UBR2: variants seen among roughly 807,000 people sequenced by gnomAD.
UBR2 encodes the protein E3 ubiquitin-protein ligase UBR2.
Under a neutral mutation model 247.9 loss-of-function variants are expected in UBR2, and 92 were observed. The ratio of observed to expected loss-of-function variants is 0.37; its 90% CI spans 0.31 to 0.44. The LOEUF is 0.44. Among genes scored for constraint, UBR2 ranks in the 20% least tolerant of loss-of-function variants. UBR2 has a pLI of 1.00. For missense variants in UBR2, 1,613 were observed against 2,112.6 expected, an observed-to-expected ratio of 0.76 and a Z score of 4.64; for synonymous variants, 672 against 693.5, an observed-to-expected ratio of 0.97 and a Z score of 0.49.
chr6:42,570,635 G>T (rs1791056676), intron 1 of UBR2, among the ~76,000 whole-genome samples: 1 of 151,796 alleles, frequency 6.6e-6, no homozygotes, highest in Admixed American at 6.6e-5. Flanking sequence ...TGAAATACTT[G>T]CTTGTTTTAC....
At chr6:42,600,977 A>G (rs925080762) in intron 4 of UBR2, among the ~76,000 whole-genome samples, 9 of 152,178 alleles carry the variant, frequency 5.9e-5, no homozygotes, top group Non-Finnish European at 1.0e-4. Flanking sequence ...TTTGGAACTG[A>G]CATTTTAATT....
intron 2 of UBR2, among the ~76,000 whole-genome samples, chr6:42,588,200 C>T (rs1792417669): frequency 6.6e-6 from 1 of 152,170 alleles, no homozygotes; most frequent in South Asian, 2.1e-4. Context: ...GTTGCTAGGA[C>T]AGCTTACAGA....
chr6:42,642,584 C>G, intron 18 of UBR2, 103 bp downstream of exon 18: 1 of 888,440 alleles, frequency 1.1e-6, no homozygotes, highest in South Asian at 1.5e-5. Flanking sequence ...ATCTACAACT[C>G]CAGCCTAGCC....
intron 10 of UBR2, among the ~76,000 whole-genome samples, chr6:42,617,025 T>C (rs1283739787): frequency 1.3e-5 from 2 of 152,206 alleles, no homozygotes; most frequent in Non-Finnish European, 2.9e-5. Flanking sequence ...TAAACTGCCA[T>C]TGTGCTCCAG....
chr6:42,570,710 A>G (rs1791067609), intron 1 of UBR2, among the ~76,000 whole-genome samples: 1 of 149,728 alleles, frequency 6.7e-6, no homozygotes. Flanking sequence ...TTGAGACAGG[A>G]TCTCACTCTG....
At chr6:42,591,649 A>G (rs1391503353) in intron 2 of UBR2, among the ~76,000 whole-genome samples, 3 of 152,280 alleles carry the variant, frequency 2.0e-5, no homozygotes, top group Non-Finnish European at 4.4e-5. Flanking sequence ...TTTTAGTTAA[A>G]ATTTAAGTAG....
Position 42,676,787 on chromosome 6 carries a change from GA to G in UBR2, c.4394del (p.Asn1465MetfsTer31), listed in dbSNP as rs747633984. ...TAGTATTTCCTTATCTTTCAGAAGA[GA>G]ATGGCATGGATCAAGAAAATCCCCC... ...QILLTSCTEE[N>X]GMDQENPPCE... On this transcript the variant is annotated frameshift_variant, in exon 40 of 47. Transcript: ENST00000372901. LOFTEE classifies it high-confidence loss of function. 1 of 1,613,516 alleles carries G rather than the reference GA, an allele frequency of 6.2e-7. No homozygotes were observed. The highest frequency in any genetic ancestry group is 2.2e-5 in the East Asian group (1 of 44,826).
rs372080966 is a variant in UBR2 at position 42,564,301 on chromosome 6, G to T, written c.-19G>T. ...AGCTCTCCGGGCGGCGGTAGCGCTG[G>T]GGAGGAGGAGGAGAGAAGATGGCGT... On this transcript the variant is annotated 5_prime_UTR_variant, in exon 1 of 47. Coordinates refer to ENST00000372901, the MANE Select transcript of UBR2 (RefSeq NM_001363705.2). The T allele has an allele frequency of 1.1e-5, 18 of 1,603,880 alleles. No homozygotes were observed. Among genetic ancestry groups the T allele is most frequent in the East Asian group, 2.3e-5 (1 of 44,394 alleles).
At chr6:42,574,726 T>G (rs1562275722) in intron 2 of UBR2, among the ~76,000 whole-genome samples, 4 of 151,184 alleles carry the variant, frequency 2.6e-5, no homozygotes. Context: ...GATGGAGTCT[T>G]GCCCTGTCAC....
At chr6:42,582,821 A>G (rs1004916692) in intron 2 of UBR2, among the ~76,000 whole-genome samples, 3 of 152,100 alleles carry the variant, frequency 2.0e-5, no homozygotes, top group Admixed American at 1.3e-4. Flanking sequence ...TTGCCATTCT[A>G]TTTAATGATA....
At chr6:42,621,626 C>A (rs958512213) in intron 11 of UBR2, among the ~76,000 whole-genome samples, 2 of 152,046 alleles carry the variant, frequency 1.3e-5, no homozygotes, top group South Asian at 4.1e-4. Flanking sequence ...CCACACCTGG[C>A]TAATTTTGTA....
At chr6:42,580,134 G>T (rs1340836115) in intron 2 of UBR2, among the ~76,000 whole-genome samples, 1 of 152,056 alleles carries the variant, frequency 6.6e-6, no homozygotes, top group African/African-American at 2.4e-5. Context: ...ATACCCAGAG[G>T]TAGAATTTTA....
chr6:42,666,076 CT>C, intron 33 of UBR2, 90 bp from the exon 34 acceptor site: 7 of 1,113,736 alleles, frequency 6.3e-6, no homozygotes, highest in Non-Finnish European at 8.8e-6. Flanking sequence ...AATTTTTTTC[CT>C]TTTGTTTTTG....
chr6:42,672,790 C>T (rs1043122289), intron 36 of UBR2, among the ~76,000 whole-genome samples: 5 of 152,162 alleles, frequency 3.3e-5, no homozygotes. Flanking sequence ...TGATGCCTGC[C>T]TCCTTCCCCA....
In UBR2 at chr6:42,605,991, T is replaced by C. The variant is rs150675252; in HGVS notation, c.801+132T>C. The C allele has an allele frequency of 9.5e-6, 8 of 844,428 alleles. No homozygotes were observed. In the East Asian group the frequency reaches 1.4e-4, roughly 15 times the overall value. The allele number at this position is 844,428 out of a possible 1,614,324, so 52.3% of individuals were successfully genotyped here. A position where few individuals can be genotyped will look rare whatever the true frequency, so the allele number is the denominator to read the frequency against. ...AAAATTTCATTTGTCATGCCTGTAA[T>C]CTCAGCACTTTGGGAGGCCAAGGCA... On this transcript the variant is annotated intron_variant, in intron 6 of 46. Coordinates refer to ENST00000372901, the MANE Select transcript of UBR2 (RefSeq NM_001363705.2).
intron 42 of UBR2, among the ~76,000 whole-genome samples, chr6:42,682,482 G>A (rs1372894911): frequency 6.6e-6 from 1 of 151,394 alleles, no homozygotes; most frequent in Non-Finnish European, 1.5e-5. Flanking sequence ...CCAGGCTTGA[G>A]TGCACTGGCA....
In UBR2 at chr6:42,564,262, C is replaced by A; in HGVS notation, c.-58C>A. ...GGGTGGCAGTCGAGGCCGCCGGGGCCGAGGTGAGGCTGCAGCTCTCCGGGC... is the reference window on the plus strand; with the variant it reads ...GGGTGGCAGTCGAGGCCGCCGGGGCAGAGGTGAGGCTGCAGCTCTCCGGGC... On this transcript the variant is annotated 5_prime_UTR_variant, in exon 1 of 47. Transcript: ENST00000372901. 6.4e-7 allele frequency: 1 copy of A among 1,571,504 alleles called. No homozygotes were observed. Among genetic ancestry groups the A allele is most frequent in the Non-Finnish European group, 8.6e-7 (1 of 1,159,056 alleles).
intron 41 of UBR2, 121 bp downstream of exon 41, chr6:42,678,790 G>A (rs1798870619): frequency 1.8e-6 from 2 of 1,088,868 alleles, no homozygotes; most frequent in Non-Finnish European, 1.3e-6. Flanking sequence ...TATTGACTAT[G>A]GTGATGTACA....
In UBR2 at chr6:42,670,016, G is replaced by A. The variant is rs147364176; in HGVS notation, c.3882-76G>A. The A allele has an allele frequency of 3.8e-4, 572 of 1,515,198 alleles. 1 individual carries two copies. The African/African-American group carries it at 7.4e-3, about 20-fold the overall frequency. The allele number at this position is 1,515,198 out of a possible 1,614,324, so 93.9% of individuals were successfully genotyped here. Reference sequence around the variant, plus strand: ...AGTGGTTCAATTTCAATATAGCAAAGAGCTGTTAAGAAACCGAACCATTTG... The same window carrying A: ...AGTGGTTCAATTTCAATATAGCAAAAAGCTGTTAAGAAACCGAACCATTTG... On this transcript the variant is annotated intron_variant, in intron 34 of 46. Coordinates refer to ENST00000372901, the MANE Select transcript of UBR2 (RefSeq NM_001363705.2).
Sources: gnomAD v4.1 joint callset for allele counts (sites outside exome capture counted in the v4.1 genomes callset) on GRCh38, gnomAD v4.1.1 for gene constraint, MANE v1.5 for transcripts, NCBI Gene and HGNC (gene_info 2026-07-23, HGNC 2026-07-21) for gene names.